PLXDC2: variants seen among roughly 807,000 people sequenced by gnomAD.
PLXDC2 encodes plexin domain containing 2, also known as plexin domain-containing protein 2.
A neutral mutation model predicts 68.9 loss-of-function variants in PLXDC2; 40 were observed. The ratio of observed to expected loss-of-function variants is 0.58; its 90% CI spans 0.45 to 0.76. PLXDC2 has a LOEUF of 0.76. Ranked by LOEUF, PLXDC2 falls within the 30% of genes least tolerant of loss-of-function variation. The pLI is 0.00. For synonymous variants in PLXDC2, 243 were observed against 234.2 expected (o/e 1.04, Z -0.34); for missense variants, 644 against 661.9 (o/e 0.97, Z 0.30).
chr10:20,268,575 C>A (rs1248819624), intron 13 of PLXDC2, among the ~76,000 whole-genome samples: 1 of 152,136 alleles, frequency 6.6e-6, no homozygotes, highest in Admixed American at 6.5e-5. Context: ...TGGAGTAAAG[C>A]ACACAATTAC....
chr10:20,161,322 A>C (rs1311261248), intron 6 of PLXDC2, among the ~76,000 whole-genome samples: 1 of 135,670 alleles, frequency 7.4e-6, no homozygotes, highest in Non-Finnish European at 1.6e-5. Context: ...GTGCAAAAAA[A>C]TAAAAATTAA....
chr10:20,209,797 A>T (rs1370478980), intron 9 of PLXDC2, among the ~76,000 whole-genome samples: 1 of 152,142 alleles, frequency 6.6e-6, no homozygotes, highest in Non-Finnish European at 1.5e-5. Context: ...GCTTACGAAG[A>T]TGACAGGATT....
intron 1 of PLXDC2, among the ~76,000 whole-genome samples, chr10:19,984,944 T>A (rs1834610500): frequency 6.6e-6 from 1 of 152,220 alleles, no homozygotes; most frequent in Non-Finnish European, 1.5e-5. Context: ...GTATAACAGC[T>A]GTCCCTAATT....
At chr10:19,917,980 C>T (rs755305055) in intron 1 of PLXDC2, among the ~76,000 whole-genome samples, 2 of 152,272 alleles carry the variant, frequency 1.3e-5, no homozygotes, top group South Asian at 2.1e-4. Context: ...TATTTCTCCT[C>T]GGGTTTGAAT....
At chr10:20,200,214 G>T (rs1834898478) in intron 9 of PLXDC2, among the ~76,000 whole-genome samples, 1 of 151,914 alleles carries the variant, frequency 6.6e-6, no homozygotes, top group Non-Finnish European at 1.5e-5. Flanking sequence ...AATGCTCTTA[G>T]TGTATAGAAA....
chr10:19,833,305 C>G (rs561440215), intron 1 of PLXDC2, among the ~76,000 whole-genome samples: 1 of 152,284 alleles, frequency 6.6e-6, no homozygotes, highest in East Asian at 1.9e-4. Flanking sequence ...CCTTTGATGG[C>G]CGTGGGAACA....
chr10:19,974,582 A>T (rs1175573510), intron 1 of PLXDC2, among the ~76,000 whole-genome samples: 1 of 152,210 alleles, frequency 6.6e-6, no homozygotes, highest in Non-Finnish European at 1.5e-5. Context: ...ATGGGGAATG[A>T]AGGAAAGAAA....
intron 1 of PLXDC2, among the ~76,000 whole-genome samples, chr10:19,889,484 A>G (rs905095016): frequency 3.3e-5 from 5 of 152,130 alleles, no homozygotes; most frequent in Admixed American, 2.0e-4. Flanking sequence ...AGTGCCCTCA[A>G]AATGTATCCC....
intron 2 of PLXDC2, among the ~76,000 whole-genome samples, chr10:20,025,837 T>G (rs569956893): frequency 1.3e-5 from 2 of 152,094 alleles, no homozygotes; most frequent in African/African-American, 4.8e-5. Flanking sequence ...TGTTTTCCCC[T>G]CCAGATTATT....
chr10:20,217,393 T>G, intron 10 of PLXDC2, 33 bp from the exon 11 acceptor site: 1 of 1,584,718 alleles, frequency 6.3e-7, no homozygotes, highest in Non-Finnish European at 8.6e-7. Flanking sequence ...TTGTGATCAC[T>G]CCATTTGTTT....
At chr10:19,990,104 T>G (rs2131627789) in intron 1 of PLXDC2, among the ~76,000 whole-genome samples, 1 of 152,214 alleles carries the variant, frequency 6.6e-6, no homozygotes. Context: ...TTTTTTTTTA[T>G]TTATACAATG....
At chr10:19,979,154 C>A (rs4598562) in intron 1 of PLXDC2, among the ~76,000 whole-genome samples, 35,420 of 151,884 alleles carry the variant, frequency 0.23, 4,285 homozygotes, top group Middle Eastern at 0.35. Context: ...TGCTATGGGA[C>A]CTTTTTCTCC....
At chr10:20,094,495 A>G (rs1833322226) in intron 4 of PLXDC2, among the ~76,000 whole-genome samples, 1 of 152,098 alleles carries the variant, frequency 6.6e-6, no homozygotes, top group South Asian at 2.1e-4. Context: ...ATAAAAGACA[A>G]TTTATGACTG....
intron 1 of PLXDC2, among the ~76,000 whole-genome samples, chr10:19,982,725 A>G (rs956405266): frequency 7.9e-5 from 12 of 152,198 alleles, no homozygotes; most frequent in African/African-American, 2.2e-4. Flanking sequence ...ATCTTTAAAA[A>G]TAAATGATCT....
chr10:19,952,293 G>A (rs1362641124), intron 1 of PLXDC2, among the ~76,000 whole-genome samples: 2 of 152,144 alleles, frequency 1.3e-5, no homozygotes, highest in African/African-American at 2.4e-5. Context: ...AACAGCAGCT[G>A]TTGTTTGAAC....
At position 20,279,719 on chromosome 10, in the gene PLXDC2, G is replaced by A; in HGVS notation, c.1490G>A (p.Trp497Ter). The change falls in exon 14 of 14, where the codon TGG (tryptophan) becomes TAG (stop). Residue 497 changes from tryptophan to a stop codon, truncating the protein, a stop_gained. Transcript: ENST00000377252. LOFTEE classifies it high-confidence loss of function. ...CTGTTTCAGAGACGCCCAAGCAGAT[G>A]GCCTGCGATGAAGTTTAGAAGAGGC... is the stretch of plus-strand genomic sequence containing the variant. ...IFFIERRPSR[W>*]PAMKFRRGSG... 1 of 1,613,806 alleles carries A rather than the reference G, an allele frequency of 6.2e-7. No individual in the cohort carries two copies. The highest frequency in any genetic ancestry group is 1.1e-5 in the South Asian group (1 of 91,064).
chr10:19,994,306 G>T (rs1277913022), intron 1 of PLXDC2, among the ~76,000 whole-genome samples: 29 of 53,806 alleles, frequency 5.4e-4, no homozygotes, highest in South Asian at 2.3e-3. Context: ...TTGGAAACAT[G>T]ATTAAATTTT....
intron 1 of PLXDC2, among the ~76,000 whole-genome samples, chr10:19,998,147 CA>C (rs932032373): frequency 1.3e-5 from 2 of 152,170 alleles, no homozygotes; most frequent in Admixed American, 6.5e-5. Context: ...GTTTTTACTG[CA>C]GCTGGAAAGG....
At position 20,287,821 on chromosome 10, in the gene PLXDC2, A is replaced by T. The variant is rs1415293119; in HGVS notation, c.*8002A>T. ...TTCAACAGTGCCTGGAGAGTACATT[A>T]TTTTCAGGGGAAAAAAAGGAGAGAG... On this transcript the variant is annotated 3_prime_UTR_variant, in exon 14 of 14. Coordinates refer to ENST00000377252, the MANE Select transcript of PLXDC2 (RefSeq NM_032812.9). The T allele has an allele frequency of 1.3e-5, 2 of 151,518 alleles. No individual in the cohort carries two copies. Among genetic ancestry groups the T allele is most frequent in the African/African-American group, 4.9e-5 (2 of 40,992 alleles). The allele number at this position is 151,518 out of a possible 1,614,324, so 9.4% of individuals were successfully genotyped here. A position where few individuals can be genotyped will look rare whatever the true frequency, so the allele number is the denominator to read the frequency against.
Sources: allele counts gnomAD v4.1 joint callset (sites outside exome capture counted in the v4.1 genomes callset), GRCh38; gene constraint gnomAD v4.1.1; transcripts MANE v1.5; gene names NCBI Gene and HGNC (gene_info 2026-07-23, HGNC 2026-07-21).